The following RNF220 variants were observed in gnomAD, a reference collection of about 807,000 sequenced individuals.
The protein encoded by RNF220 is E3 ubiquitin-protein ligase RNF220.
A neutral mutation model predicts 67.1 loss-of-function variants in RNF220; 7 were observed. The observed-to-expected ratio is 0.10, with a 90% confidence interval of 0.06 to 0.20. RNF220 has a LOEUF of 0.20. RNF220 is among the 10% of genes least tolerant of loss of function. RNF220 has a pLI of 1.00. For missense variants in RNF220, 565 were observed against 740.3 expected (o/e 0.76, Z 2.75); for synonymous variants, 270 against 283.2 (o/e 0.95, Z 0.47).
intron 2 of RNF220, among the ~76,000 whole-genome samples, chr1:44,581,159 C>T (rs890550798): frequency 1.3e-5 from 2 of 152,232 alleles, no homozygotes; most frequent in Non-Finnish European, 1.5e-5. Context: ...ATTTTCCTCT[C>T]ATCATACGGA....
At chr1:44,504,580 G>T (rs1658242885) in intron 2 of RNF220, among the ~76,000 whole-genome samples, 1 of 152,072 alleles carries the variant, frequency 6.6e-6, no homozygotes, top group African/African-American at 2.4e-5. Context: ...TGGAGCTTCT[G>T]GGTGGGCGGG....
At chr1:44,594,388 C>A (rs753930346) in intron 2 of RNF220, among the ~76,000 whole-genome samples, 1 of 152,150 alleles carries the variant, frequency 6.6e-6, no homozygotes, top group Admixed American at 6.5e-5. Flanking sequence ...CCCCACGTCC[C>A]AGGAAGTGGA....
At chr1:44,648,635 A>T (rs1436122030) in intron 12 of RNF220, 1 of 152,220 alleles carries the variant, frequency 6.6e-6, no homozygotes, top group Non-Finnish European at 1.5e-5. Flanking sequence ...CTACCAGGGC[A>T]TCTGATATAT....
At position 44,649,931 on chromosome 1, in the gene RNF220, T is replaced by C; in HGVS notation, c.1603T>C (p.Cys535Arg). 6.2e-7 allele frequency: 1 copy of C among 1,613,922 alleles called. No individual in the cohort carries two copies. Among genetic ancestry groups the C allele is most frequent in the Non-Finnish European group, 8.5e-7 (1 of 1,179,938 alleles). ...LTSIQCWHVHCEECWLRTLGA... is the reference protein window; with the variant it reads ...LTSIQCWHVHREECWLRTLGA... Reference sequence around the variant, plus strand: ...GTCCATCCAGTGTTGGCACGTGCACTGCGAGGAGTGCTGGCTGCGGACCCT... The same window carrying C: ...GTCCATCCAGTGTTGGCACGTGCACCGCGAGGAGTGCTGGCTGCGGACCCT... Residue 535 changes from cysteine to arginine, a missense_variant, in exon 14 of 15, where the codon TGC (cysteine) becomes CGC (arginine). Cys to Arg is a radical substitution (Grantham distance 180). Coordinates refer to ENST00000361799, the MANE Select transcript of RNF220 (RefSeq NM_018150.4). The surrounding 1 kb of genome is among the most constrained non-coding windows in gnomAD (Gnocchi z 5.9).
At position 44,650,588 on chromosome 1, in the gene RNF220, C is replaced by T. The variant is rs1488059245; in HGVS notation, c.1630-116C>T. Reference sequence around the variant, plus strand: ...CCTATGCGTCCCCAGCCTGGGCTGACAGGACCAAGGTCTCAGCACACACTG... The same window carrying T: ...CCTATGCGTCCCCAGCCTGGGCTGATAGGACCAAGGTCTCAGCACACACTG... On this transcript the variant is annotated intron_variant, in intron 14 of 14. Transcript: ENST00000361799. The surrounding 1 kb of genome is among the most constrained non-coding windows in gnomAD (Gnocchi z 4.3). The T allele has an allele frequency of 8.8e-7, 1 of 1,136,070 alleles. No individual in the cohort carries two copies. Among genetic ancestry groups the T allele is most frequent in the African/African-American group, 1.5e-5 (1 of 65,732 alleles). The allele number at this position is 1,136,070 out of a possible 1,614,324, so 70.4% of individuals were successfully genotyped here.
At chr1:44,575,787 C>T (rs1664761110) in intron 2 of RNF220, among the ~76,000 whole-genome samples, 1 of 152,210 alleles carries the variant, frequency 6.6e-6, no homozygotes, top group Non-Finnish European at 1.5e-5. Context: ...ATTCAACAAT[C>T]CCACTACTGG....
At chr1:44,472,605 C>T (rs991965259) in intron 2 of RNF220, among the ~76,000 whole-genome samples, 1 of 152,090 alleles carries the variant, frequency 6.6e-6, no homozygotes, top group Admixed American at 6.6e-5. Context: ...TTGAATGGTT[C>T]CCAATTGCCT....
chr1:44,496,778 C>T (rs149200519), intron 2 of RNF220, among the ~76,000 whole-genome samples: 3 of 152,176 alleles, frequency 2.0e-5, no homozygotes, highest in South Asian at 2.1e-4. Flanking sequence ...ACAGCCTCCC[C>T]GTCCTCCTAG....
intron 2 of RNF220, among the ~76,000 whole-genome samples, chr1:44,576,081 T>G (rs1304292443): frequency 6.6e-6 from 1 of 152,238 alleles, no homozygotes; most frequent in Non-Finnish European, 1.5e-5. Context: ...ATAGATCACT[T>G]CATCAGAGCA....
intron 2 of RNF220, among the ~76,000 whole-genome samples, chr1:44,590,851 G>A (rs1018872522): frequency 2.6e-5 from 4 of 152,222 alleles, no homozygotes; most frequent in African/African-American, 9.6e-5. Flanking sequence ...AATCTAGCCA[G>A]ATGCTTCTGA....
intron 2 of RNF220, among the ~76,000 whole-genome samples, chr1:44,611,874 C>T (rs1018770533): frequency 6.6e-6 from 1 of 152,164 alleles, no homozygotes; most frequent in East Asian, 1.9e-4. Flanking sequence ...AATCAAAAGC[C>T]GAGTACAGAG....
At chr1:44,523,814 C>T (rs139200365) in intron 2 of RNF220, among the ~76,000 whole-genome samples, 2,544 of 152,290 alleles carry the variant, frequency 0.017, 32 homozygotes, top group South Asian at 0.039. Flanking sequence ...CAGCATCCAG[C>T]GCAGCCCCAT....
chr1:44,642,845 G>A (rs575739979), intron 8 of RNF220, among the ~76,000 whole-genome samples: 7 of 152,314 alleles, frequency 4.6e-5, no homozygotes, highest in Non-Finnish European at 5.9e-5. Context: ...GCTGAGCTGC[G>A]TGTACTTGGG....
intron 8 of RNF220, chr1:44,636,616 CTA>C (rs1013962736): frequency 5.0e-6 from 3 of 596,790 alleles, no homozygotes; most frequent in African/African-American, 3.7e-5. Context: ...CTCTTCAGCC[CTA>C]TGTCAGGGAA....
At chr1:44,445,751 ACT>A (rs1237092036) in intron 2 of RNF220, among the ~76,000 whole-genome samples, 7 of 152,138 alleles carry the variant, frequency 4.6e-5, no homozygotes, top group African/African-American at 1.7e-4. Context: ...TACGAAACAC[ACT>A]GTCTTTATTT....
chr1:44,459,230 G>T (rs1465132183), intron 2 of RNF220, among the ~76,000 whole-genome samples: 1 of 151,950 alleles, frequency 6.6e-6, no homozygotes, highest in Non-Finnish European at 1.5e-5. Flanking sequence ...TGTTGTGGGG[G>T]TTCACTTTGC....
At chr1:44,609,013 T>G (rs1324258096) in intron 2 of RNF220, among the ~76,000 whole-genome samples, 1 of 152,214 alleles carries the variant, frequency 6.6e-6, no homozygotes, top group Non-Finnish European at 1.5e-5. Flanking sequence ...TATCCCCATT[T>G]CACACAAGGA....
intron 2 of RNF220, among the ~76,000 whole-genome samples, chr1:44,551,240 A>G (rs192406679): frequency 6.9e-6 from 1 of 145,386 alleles, no homozygotes; most frequent in Non-Finnish European, 1.5e-5. Context: ...TCAGCTTCCC[A>G]AGTAGCTGGG....
At chr1:44,524,880 G>A (rs1032391926) in intron 2 of RNF220, among the ~76,000 whole-genome samples, 5 of 152,164 alleles carry the variant, frequency 3.3e-5, no homozygotes, top group African/African-American at 7.2e-5. Flanking sequence ...AAGGCTTATC[G>A]GGGTTAGCAG....
Sources: allele counts gnomAD v4.1 joint callset (sites outside exome capture counted in the v4.1 genomes callset), GRCh38; gene constraint gnomAD v4.1.1; non-coding constraint Gnocchi (gnomAD v3.1); transcripts MANE v1.5; gene names NCBI Gene and HGNC (gene_info 2026-07-23, HGNC 2026-07-21).